CACNA1C: variants seen among roughly 807,000 people sequenced by gnomAD.
The protein encoded by CACNA1C is voltage-dependent L-type calcium channel subunit alpha-1C.
Under a neutral mutation model 229.0 loss-of-function variants are expected in CACNA1C, and 30 were observed. The ratio of observed to expected loss-of-function variants is 0.13; its 90% CI spans 0.10 to 0.18. The LOEUF (loss-of-function observed/expected upper bound fraction) is 0.18. CACNA1C is among the 10% of genes least tolerant of loss of function. The pLI is 1.00. For synonymous variants in CACNA1C, 1,114 were observed against 1,132.5 expected, an observed-to-expected ratio of 0.98 and a Z score of 0.33; for missense variants, 1,658 against 2,845.0, an observed-to-expected ratio of 0.58 and a Z score of 9.49.
intron 29 of CACNA1C, 154 bp downstream of exon 29, chr12:2,612,167 A>T: frequency 1.6e-6 from 1 of 606,094 alleles, no homozygotes; most frequent in Non-Finnish European, 3.0e-6. Flanking sequence ...CCCAACTCCT[A>T]CACCTGCCCA....
At chr12:2,612,158 C>T (rs1056129763) in intron 29 of CACNA1C, 145 bp downstream of exon 29, 8 of 624,114 alleles carry the variant, frequency 1.3e-5, no homozygotes, top group African/African-American at 1.3e-4. Context: ...GGTCAGTGCC[C>T]CAACTCCTAC....
intron 3 of CACNA1C, among the ~76,000 whole-genome samples, chr12:2,329,263 G>T (rs1250231394): frequency 2.0e-5 from 3 of 152,146 alleles, no homozygotes; most frequent in African/African-American, 7.2e-5. Context: ...GAATGGTTTT[G>T]ATTAGTGGAA....
At chr12:2,141,660 C>T (rs1053066514) in intron 3 of CACNA1C, among the ~76,000 whole-genome samples, 2 of 151,374 alleles carry the variant, frequency 1.3e-5, no homozygotes, top group Non-Finnish European at 3.0e-5. Context: ...ATGGGGGCTG[C>T]GAGGTTCCAG....
chr12:2,101,600 G>T (rs569450182), intron 1 of CACNA1C, among the ~76,000 whole-genome samples: 1 of 152,314 alleles, frequency 6.6e-6, no homozygotes, highest in South Asian at 2.1e-4. Flanking sequence ...GGACCACTGT[G>T]CCATCCCACT....
intron 5 of CACNA1C, among the ~76,000 whole-genome samples, chr12:2,478,061 A>G (rs2099639888): frequency 6.6e-6 from 1 of 152,142 alleles, no homozygotes; most frequent in Non-Finnish European, 1.5e-5. Flanking sequence ...ATTTTCTGAG[A>G]GAGAGTTTAG....
At chr12:2,286,395 C>CGA (rs2092681305) in intron 3 of CACNA1C, among the ~76,000 whole-genome samples, 2 of 152,230 alleles carry the variant, frequency 1.3e-5, no homozygotes, top group African/African-American at 4.8e-5. Flanking sequence ...GAAAGTGGAG[C>CGA]GAGCGGGTGA....
intron 42 of CACNA1C, among the ~76,000 whole-genome samples, chr12:2,681,747 A>G (rs2097157463): frequency 6.6e-6 from 1 of 152,162 alleles, no homozygotes; most frequent in South Asian, 2.1e-4. Flanking sequence ...GGATGCTCAG[A>G]GCCAGGGCAC....
chr12:1,988,644 C>T (rs1333296518), intron 1 of CACNA1C, among the ~76,000 whole-genome samples: 3 of 152,152 alleles, frequency 2.0e-5, no homozygotes, highest in Non-Finnish European at 4.4e-5. Flanking sequence ...TTTTTACTGT[C>T]ATTTCAAGAG....
chr12:2,652,968 T>G (rs1603355525), intron 32 of CACNA1C, among the ~76,000 whole-genome samples: 2 of 152,220 alleles, frequency 1.3e-5, no homozygotes, highest in Admixed American at 6.5e-5. Context: ...GGCGCAGGCG[T>G]TCGGGCCAGG....
intron 10 of CACNA1C, chr12:2,550,442 A>T: frequency 9.8e-7 from 1 of 1,020,794 alleles, no homozygotes; most frequent in Non-Finnish European, 1.3e-6. Flanking sequence ...CACCCTTTCC[A>T]TTCTGATAAA....
At position 1,976,595 on chromosome 12, in the gene CACNA1C, T is replaced by C. The variant is rs150589869; in HGVS notation, c.139+5394T>C. ...TTCCTGGGCAGATCCCGAAGAGAAA[T>C]GTATTCTGTTATTCCTGCAAATACT... On this transcript the variant is annotated intron_variant, in intron 1 of 46. Transcript: ENST00000682462. Among the ~76,000 whole-genome samples the C allele has an allele frequency of 6.6e-5, 10 of 152,256 alleles. No individual in the cohort carries two copies. In the East Asian group the frequency reaches 1.9e-3, roughly 29 times the overall value.
At chr12:2,662,601 C>T (rs982055688) in intron 34 of CACNA1C, among the ~76,000 whole-genome samples, 5 of 152,160 alleles carry the variant, frequency 3.3e-5, no homozygotes, top group African/African-American at 1.2e-4. Context: ...TAATAAGACT[C>T]CCAACAGGAT....
chr12:2,392,534 A>G (rs1267022937), intron 3 of CACNA1C, among the ~76,000 whole-genome samples: 1 of 152,134 alleles, frequency 6.6e-6, no homozygotes, highest in Admixed American at 6.5e-5. Flanking sequence ...GTTTCTGAGA[A>G]ACCGTTGTGT....
chr12:2,004,972 A>C (rs1264131510), intron 1 of CACNA1C, among the ~76,000 whole-genome samples: 3 of 146,532 alleles, frequency 2.0e-5, no homozygotes, highest in Non-Finnish European at 4.6e-5. Flanking sequence ...CAAAAAAAAA[A>C]CAAAACCTTT....
At chr12:2,204,427 G>A (rs2097690322) in intron 3 of CACNA1C, among the ~76,000 whole-genome samples, 1 of 151,980 alleles carries the variant, frequency 6.6e-6, no homozygotes. Context: ...ATTTGACCCA[G>A]CCATCCCATT....
At chr12:2,426,494 C>T (rs984126768) in intron 3 of CACNA1C, among the ~76,000 whole-genome samples, 1 of 152,160 alleles carries the variant, frequency 6.6e-6, no homozygotes, top group Non-Finnish European at 1.5e-5. Flanking sequence ...AAAGCCCAAG[C>T]TGTATTTGAA....
chr12:2,100,945 T>G (rs1355693903), intron 1 of CACNA1C, among the ~76,000 whole-genome samples: 1 of 143,498 alleles, frequency 7.0e-6, no homozygotes, highest in Admixed American at 7.3e-5. Context: ...GTGGCTGCAG[T>G]GAGCCGTGAT....
rs556660754 is a variant in CACNA1C at position 2,553,894 on chromosome 12, G to A, written c.1482-3057G>A. ...CCAGGAGTGGAAGCAATTCTATGCCGTGCAAGGGCAGGATGTGGCCCTCCC... is the reference window on the plus strand; with the variant it reads ...CCAGGAGTGGAAGCAATTCTATGCCATGCAAGGGCAGGATGTGGCCCTCCC... On this transcript the variant is annotated intron_variant, in intron 10 of 46. Transcript: ENST00000399655. Among the ~76,000 whole-genome samples the A allele has an allele frequency of 2.6e-5, 4 of 152,342 alleles. No individual in the cohort carries two copies. The South Asian group carries it at 6.2e-4, about 24-fold the overall frequency.
At chr12:2,139,786 A>G (rs1037046133) in intron 3 of CACNA1C, among the ~76,000 whole-genome samples, 1 of 151,280 alleles carries the variant, frequency 6.6e-6, no homozygotes, top group African/African-American at 2.4e-5. Context: ...GGCCTCAGAC[A>G]TGCGCCCTAA....
Sources: allele counts gnomAD v4.1 joint callset (sites outside exome capture counted in the v4.1 genomes callset), GRCh38; gene constraint gnomAD v4.1.1; transcripts MANE v1.5; gene names NCBI Gene and HGNC (gene_info 2026-07-23, HGNC 2026-07-21).